NCLN: variants seen among roughly 807,000 people sequenced by gnomAD.
NCLN encodes nicalin.
In NCLN, 34 loss-of-function variants were observed where a neutral mutation model predicts 69.5. That is an observed-to-expected ratio of 0.49 (90% CI 0.37 to 0.65). The LOEUF (loss-of-function observed/expected upper bound fraction) is 0.65, where lower values mean the gene tolerates loss of function less well. Among genes scored for constraint, NCLN ranks in the 30% least tolerant of loss-of-function variants. The pLI, the probability that NCLN is intolerant of heterozygous loss-of-function variation, is 0.00. For missense variants in NCLN, 710 were observed against 804.8 expected (o/e 0.88, Z 1.42); for synonymous variants, 393 against 358.3 (o/e 1.10, Z -1.09).
At chr19:3,204,547 T>A in intron 8 of NCLN, 26 bp from the exon 9 acceptor site, 1 of 1,508,764 alleles carries the variant, frequency 6.6e-7, no homozygotes, top group Non-Finnish European at 8.9e-7. Flanking sequence ...CCGCCTGCCC[T>A]CTGCTAATGG....
At chr19:3,207,304 C>G in intron 13 of NCLN, 53 bp downstream of exon 13, 1 of 1,612,020 alleles carries the variant, frequency 6.2e-7, no homozygotes, top group South Asian at 1.1e-5. Context: ...GGGTTACAGC[C>G]GAGGGGACTG....
At chr19:3,204,202 G>A (rs771210536) in intron 8 of NCLN, 58 bp downstream of exon 8, 307 of 1,469,322 alleles carry the variant, frequency 2.1e-4, no homozygotes, top group Non-Finnish European at 2.6e-4. Context: ...CATCGGGGCC[G>A]GGTTGGGGCA....
intron 1 of NCLN, among the ~76,000 whole-genome samples, chr19:3,189,055 C>T (rs1009413405): frequency 1.3e-5 from 2 of 152,250 alleles, no homozygotes; most frequent in African/African-American, 4.8e-5. Flanking sequence ...GGAGTCCTTT[C>T]CCAACTTCCT....
At chr19:3,200,310 G>GTT (rs539601039) in intron 5 of NCLN, among the ~76,000 whole-genome samples, 10 of 114,888 alleles carry the variant, frequency 8.7e-5, no homozygotes, top group South Asian at 3.3e-4. Context: ...TTTTATTTAT[G>GTT]TATTTTTTTT....
Position 3,185,962 on chromosome 19 carries a change from T to C in NCLN, c.-69T>C, listed in dbSNP as rs1341979524. ...CGGCGGCTACCCATGCCGAGGTGAGTCCGCGGGAGCCGCCGCCGCCGCCGT... is the reference window on the plus strand; with the variant it reads ...CGGCGGCTACCCATGCCGAGGTGAGCCCGCGGGAGCCGCCGCCGCCGCCGT... On this transcript the variant is annotated 5_prime_UTR_variant, in exon 1 of 15. Transcript: ENST00000246117. The C allele has an allele frequency of 7.7e-7, 1 of 1,294,622 alleles. No individual in the cohort carries two copies. The highest frequency in any genetic ancestry group is 1.0e-6 in the Non-Finnish European group (1 of 1,003,904). 80.2% of individuals were successfully genotyped at this position (1,294,622 alleles called of 1,614,324 possible).
intron 4 of NCLN, among the ~76,000 whole-genome samples, chr19:3,197,772 C>T (rs1254932856): frequency 6.6e-6 from 1 of 152,200 alleles, no homozygotes; most frequent in African/African-American, 2.4e-5. Context: ...AGGTGCCCGC[C>T]ACCACGGCCA....
intron 12 of NCLN, among the ~76,000 whole-genome samples, chr19:3,206,760 C>G (rs1445965920): frequency 6.6e-6 from 1 of 152,202 alleles, no homozygotes; most frequent in South Asian, 2.1e-4. Context: ...CGCTTGAACC[C>G]AGGAGTTGGA....
In NCLN at chr19:3,187,151, C is replaced by A. The variant is rs568477159; in HGVS notation, c.184+937C>A. On this transcript the variant is annotated intron_variant, in intron 1 of 14. Transcript: ENST00000246117. ...CTTTCCAGGATTTCCTCTTCCCTTT[C>A]CAAATTCGCACCCCCTTGCCCTTGC... 5.3e-5 allele frequency among the ~76,000 whole-genome samples: 8 copies of A among 152,324 alleles called. No homozygotes were observed. The East Asian group carries it at 1.2e-3, about 22-fold the overall frequency.
At position 3,207,150 on chromosome 19, in the gene NCLN, A is replaced by G. The variant is rs1350647853; in HGVS notation, c.1500-48A>G. 3 of 1,605,654 alleles carry G rather than the reference A, an allele frequency of 1.9e-6. No homozygotes were observed. The African/African-American group carries it at 4.0e-5, about 21-fold the overall frequency. ...CCATCTCTACAAACCCTTTTTTAAG[A>G]ATTAGCTGGGCGCAGTGGTGCCCCC... On this transcript the variant is annotated intron_variant, in intron 12 of 14. Transcript: ENST00000246117.
rs1916324432 is a variant in NCLN at position 3,208,048 on chromosome 19, G to A, written c.*360G>A. 7.6e-6 allele frequency: 2 copies of A among 263,564 alleles called. No homozygotes were observed. The highest frequency in any genetic ancestry group is 5.4e-5 in the South Asian group (1 of 18,626). 16.3% of individuals were successfully genotyped at this position (263,564 alleles called of 1,614,324 possible). On this transcript the variant is annotated 3_prime_UTR_variant, in exon 15 of 15. Transcript: ENST00000246117. ...ACGCCGGGACCCCCTGCCCGATCGC[G>A]CGCGGCCTCCGCCCACCGCCTCCTG...
At chr19:3,206,569 G>A (rs1916278571) in intron 12 of NCLN, 144 bp downstream of exon 12, 1 of 1,118,200 alleles carries the variant, frequency 8.9e-7, no homozygotes, top group Non-Finnish European at 1.2e-6. Context: ...GGACACGGCG[G>A]CTGTGCCTGC....
chr19:3,193,186 G>A, intron 2 of NCLN, 98 bp from the exon 3 acceptor site: 1 of 1,198,396 alleles, frequency 8.3e-7, no homozygotes, highest in Non-Finnish European at 1.2e-6. Flanking sequence ...CAGTCACTGG[G>A]CCCCCTGCTA....
intron 1 of NCLN, among the ~76,000 whole-genome samples, chr19:3,192,034 A>G (rs1434596149): frequency 6.6e-6 from 1 of 152,188 alleles, no homozygotes; most frequent in Non-Finnish European, 1.5e-5. Flanking sequence ...CTAAAAATAC[A>G]AAAATTAGCC....
In NCLN at chr19:3,201,276, C is replaced by T. The variant is rs555909225; in HGVS notation, c.697-247C>T. On this transcript the variant is annotated intron_variant, in intron 5 of 14. Coordinates refer to ENST00000246117, the MANE Select transcript of NCLN (RefSeq NM_020170.4). ...GGAGAGTCCTGGGCTTGGCGGGGCCCCGCAGACCCCAGGCCATCAGTCGGG... is the reference window on the plus strand; with the variant it reads ...GGAGAGTCCTGGGCTTGGCGGGGCCTCGCAGACCCCAGGCCATCAGTCGGG... 7.9e-5 allele frequency among the ~76,000 whole-genome samples: 12 copies of T among 152,314 alleles called. No individual in the cohort carries two copies. In the South Asian group the frequency reaches 2.3e-3, roughly 29 times the overall value.
intron 1 of NCLN, among the ~76,000 whole-genome samples, chr19:3,188,146 C>T (rs1183030008): frequency 6.6e-6 from 1 of 152,160 alleles, no homozygotes; most frequent in African/African-American, 2.4e-5. Context: ...CCTGTTCACA[C>T]TCTTGGCATC....
rs922853475 is a variant in NCLN at position 3,205,196 on chromosome 19, C to T, written c.1208+445C>T. Among the ~76,000 whole-genome samples the T allele has an allele frequency of 6.6e-5, 10 of 152,228 alleles. No individual in the cohort carries two copies. Among genetic ancestry groups the T allele is most frequent in the African/African-American group, 1.4e-4 (6 of 41,450 alleles). ...ATGTCCTCTGACCCTGTGTCCTGCC[C>T]GTCTCTCTGCCATCATGTGAGCCCC... On this transcript the variant is annotated intron_variant, in intron 9 of 14. Transcript: ENST00000246117. This position sits in a 1 kb window ranked among gnomAD's most constrained non-coding sequence, Gnocchi z 4.6.
intron 2 of NCLN, 144 bp downstream of exon 2, chr19:3,192,804 C>A: frequency 3.7e-6 from 3 of 805,762 alleles, no homozygotes; most frequent in South Asian, 4.1e-5. Context: ...CATTGATCTC[C>A]AAGGGGTGAT....
chr19:3,196,761 CAG>C (rs1269171726), intron 4 of NCLN, among the ~76,000 whole-genome samples: 2 of 152,250 alleles, frequency 1.3e-5, no homozygotes, highest in South Asian at 4.1e-4. Context: ...CTCGGATCAT[CAG>C]GGCAGATCCA....
rs1383252625 is a variant in NCLN at position 3,201,559 on chromosome 19, G to A, written c.733G>A (p.Val245Ile). The A allele has an allele frequency of 6.4e-6, 10 of 1,568,492 alleles. No individual in the cohort carries two copies. The highest frequency in any genetic ancestry group is 5.8e-5 in the South Asian group (5 of 86,444). The change falls in exon 6 of 15, where the codon GTC (valine) becomes ATC (isoleucine). Residue 245 changes from valine to isoleucine, a missense_variant. Physicochemically the swap from Val to Ile is conservative, Grantham distance 29. Coordinates refer to ENST00000246117, the MANE Select transcript of NCLN (RefSeq NM_020170.4). ...GGGCGCGGACTCCAACGGGAGCGGCGTCTCTGTGCTGCTGGAGCTGGCACG... is the reference window on the plus strand; with the variant it reads ...GGGCGCGGACTCCAACGGGAGCGGCATCTCTGTGCTGCTGGAGCTGGCACG... ...SLGADSNGSGVSVLLELARLF... is the reference protein window; with the variant it reads ...SLGADSNGSGISVLLELARLF...
Sources: gnomAD v4.1 joint callset for allele counts (sites outside exome capture counted in the v4.1 genomes callset) on GRCh38, gnomAD v4.1.1 for gene constraint, Gnocchi (gnomAD v3.1) non-coding constraint, MANE v1.5 for transcripts, NCBI Gene and HGNC (gene_info 2026-07-23, HGNC 2026-07-21) for gene names.